PPFIA2: variants seen among roughly 807,000 people sequenced by gnomAD.
The protein encoded by PPFIA2 is PPFI scaffold protein A2, also known as liprin-alpha-2.
Under a neutral mutation model 175.5 loss-of-function variants are expected in PPFIA2, and 46 were observed. The observed-to-expected ratio is 0.26, with a 90% CI of 0.21 to 0.34. The LOEUF is 0.34. PPFIA2 is among the 10% of genes least tolerant of loss of function. The pLI, the probability that PPFIA2 is intolerant of heterozygous loss-of-function variation, is 1.00. For missense variants in PPFIA2, 1,179 were observed against 1,506.1 expected (o/e 0.78, Z 3.60); for synonymous variants, 568 against 511.4 (o/e 1.11, Z -1.49).
chr12:81,297,388 ACTAT>A (rs1263281709), intron 23 of PPFIA2, among the ~76,000 whole-genome samples: 1 of 152,102 alleles, frequency 6.6e-6, no homozygotes, highest in Admixed American at 6.6e-5. Flanking sequence ...ATATTAAAAG[ACTAT>A]TTGTCTCTTT....
intron 4 of PPFIA2, among the ~76,000 whole-genome samples, chr12:81,620,786 G>GA (rs1310828841): frequency 6.6e-6 from 1 of 152,150 alleles, no homozygotes; most frequent in Non-Finnish European, 1.5e-5. Context: ...GTATGAATCT[G>GA]AAGTAAAAGG....
intron 9 of PPFIA2, among the ~76,000 whole-genome samples, chr12:81,379,185 C>T (rs2037073754): frequency 6.6e-6 from 1 of 152,012 alleles, no homozygotes; most frequent in Admixed American, 6.6e-5. Flanking sequence ...AGAGAAATAG[C>T]TTTTCCCTCT....
At chr12:81,724,211 A>G (rs1380178395) in intron 3 of PPFIA2, among the ~76,000 whole-genome samples, 2 of 150,992 alleles carry the variant, frequency 1.3e-5, no homozygotes, top group Non-Finnish European at 3.0e-5. Flanking sequence ...CGTTCTACAT[A>G]AAGTTTCCAA....
chr12:81,338,731 A>G (rs113395936), intron 21 of PPFIA2, among the ~76,000 whole-genome samples: 1,557 of 152,224 alleles, frequency 0.01, 12 homozygotes, highest in Middle Eastern at 0.02. Flanking sequence ...TTAAATCTAC[A>G]TAGCTAAGCT....
At chr12:81,534,335 C>T (rs953240489) in intron 4 of PPFIA2, among the ~76,000 whole-genome samples, 1 of 151,604 alleles carries the variant, frequency 6.6e-6, no homozygotes, top group Non-Finnish European at 1.5e-5. Flanking sequence ...GAAGAGAGGA[C>T]TTAAAACGTT....
intron 7 of PPFIA2, among the ~76,000 whole-genome samples, chr12:81,437,655 T>G (rs2049326249): frequency 6.6e-6 from 1 of 152,148 alleles, no homozygotes; most frequent in Admixed American, 6.5e-5. Context: ...GCCACCAAAC[T>G]TTTTGTTTGT....
chr12:81,264,289 T>C lies in PPFIA2; in HGVS notation c.3556-899A>G, dbSNP rs920420004. Among the ~76,000 whole-genome samples the C allele has an allele frequency of 4.6e-5, 7 of 152,336 alleles. No individual in the cohort carries two copies. The South Asian group carries it at 8.3e-4, about 18-fold the overall frequency. ...TTTGTTATGCCTTAATAAAATAATCTCTTCCTTCTCTTTGTGTACATAAAG... is the reference window on the plus strand; with the variant it reads ...TTTGTTATGCCTTAATAAAATAATCCCTTCCTTCTCTTTGTGTACATAAAG... On this transcript the variant is annotated intron_variant, in intron 30 of 32. Transcript: ENST00000549396.
At chr12:81,615,051 G>T (rs980839115) in intron 4 of PPFIA2, among the ~76,000 whole-genome samples, 1 of 152,048 alleles carries the variant, frequency 6.6e-6, no homozygotes, top group African/African-American at 2.4e-5. Context: ...AAAAATAATT[G>T]ATTTCATACA....
intron 8 of PPFIA2, among the ~76,000 whole-genome samples, chr12:81,391,200 T>C (rs1194775591): frequency 6.6e-6 from 1 of 151,964 alleles, no homozygotes; most frequent in African/African-American, 2.4e-5. Flanking sequence ...AGAGAATATC[T>C]TTGTGATATC....
At chr12:81,368,548 A>AAATTTG (rs1175382820) in intron 13 of PPFIA2, among the ~76,000 whole-genome samples, 177 bp downstream of exon 13, 3 of 151,790 alleles carry the variant, frequency 2.0e-5, no homozygotes, top group Non-Finnish European at 4.4e-5. Flanking sequence ...TATTCATCCC[A>AAATTTG]AATTTGATCT....
intron 4 of PPFIA2, among the ~76,000 whole-genome samples, chr12:81,506,807 C>T (rs1228252781): frequency 1.3e-5 from 2 of 152,178 alleles, no homozygotes; most frequent in Non-Finnish European, 2.9e-5. Context: ...TCCTGCCACT[C>T]AACTCTGATG....
chr12:81,361,512 C>G (rs2030316000), intron 15 of PPFIA2, among the ~76,000 whole-genome samples: 1 of 151,496 alleles, frequency 6.6e-6, no homozygotes, highest in African/African-American at 2.4e-5. Flanking sequence ...CGAACTTTTT[C>G]TCATATTCAA....
intron 3 of PPFIA2, among the ~76,000 whole-genome samples, chr12:81,707,071 GA>G (rs1364517225): frequency 1.3e-5 from 2 of 152,160 alleles, no homozygotes; most frequent in East Asian, 1.9e-4. Context: ...AAAAACCCTA[GA>G]AAAAAACCTA....
chr12:81,399,441 C>A (rs1290657870), intron 8 of PPFIA2, among the ~76,000 whole-genome samples: 1 of 152,046 alleles, frequency 6.6e-6, no homozygotes, highest in Non-Finnish European at 1.5e-5. Context: ...CCAGTCACTG[C>A]ACCCAGAGCG....
At chr12:81,287,970 C>T (rs2043900383) in intron 24 of PPFIA2, among the ~76,000 whole-genome samples, 1 of 151,792 alleles carries the variant, frequency 6.6e-6, no homozygotes, top group South Asian at 2.1e-4. Context: ...GCTGCAATCT[C>T]CCCCAAAAAT....
Position 81,517,946 on chromosome 12 carries a change from G to A in PPFIA2, c.304-60080C>T, listed in dbSNP as rs182292913. 1.3e-4 allele frequency among the ~76,000 whole-genome samples: 17 copies of A among 127,920 alleles called. 1 individual carries two copies. The South Asian group carries it at 1.5e-3, about 11-fold the overall frequency. The allele number at this position is 127,920 out of a possible 152,430, so 83.9% of individuals were successfully genotyped here. The stretch of plus-strand genomic sequence containing the variant: ...TACAAATGCCCCAGATTGGCCTGTC[G>A]TGGGGTGGGGGGAGGGATACCATTA... On this transcript the variant is annotated intron_variant, in intron 4 of 32. Transcript: ENST00000549396.
intron 31 of PPFIA2, among the ~76,000 whole-genome samples, 156 bp downstream of exon 31, chr12:81,263,075 G>C (rs1343789603): frequency 6.6e-6 from 1 of 152,202 alleles, no homozygotes; most frequent in Non-Finnish European, 1.5e-5. Flanking sequence ...CAATAGCAGT[G>C]TAAAAAGGAG....
intron 29 of PPFIA2, 78 bp downstream of exon 29, chr12:81,267,834 A>G: frequency 7.4e-7 from 1 of 1,354,508 alleles, no homozygotes; most frequent in Non-Finnish European, 1.0e-6. Flanking sequence ...ATGAATACAC[A>G]GCCAATTTTT....
chr12:81,653,606 C>T (rs554136653), intron 4 of PPFIA2, among the ~76,000 whole-genome samples: 2 of 152,090 alleles, frequency 1.3e-5, no homozygotes, highest in African/African-American at 2.4e-5. Context: ...AGATTTAGGG[C>T]CCAACCTAAA....
Sources: gnomAD v4.1 joint callset for allele counts (sites outside exome capture counted in the v4.1 genomes callset) on GRCh38, gnomAD v4.1.1 for gene constraint, MANE v1.5 for transcripts, NCBI Gene and HGNC (gene_info 2026-07-23, HGNC 2026-07-21) for gene names.